The following ABTB3 variants were observed in gnomAD, a reference collection of about 807,000 sequenced individuals.
ABTB3 encodes ankyrin repeat and BTB domain containing 3.
the ABTB3 span, among the ~76,000 whole-genome samples, chr12:107,622,090 A>C: frequency 2.0e-5 from 3 of 151,880 alleles, no homozygotes; most frequent in African/African-American, 7.3e-5. Flanking sequence ...GAAATACAAA[A>C]AAATAGCTGG....
the ABTB3 span, among the ~76,000 whole-genome samples, chr12:107,449,153 C>A: frequency 6.6e-6 from 1 of 152,168 alleles, no homozygotes; most frequent in Non-Finnish European, 1.5e-5. Context: ...AATTGCAGCA[C>A]TGGGGCAGGG....
the ABTB3 span, among the ~76,000 whole-genome samples, chr12:107,537,499 T>A: frequency 1.3e-5 from 2 of 152,148 alleles, no homozygotes; most frequent in African/African-American, 4.8e-5. Context: ...CCCATAAATA[T>A]GTGCAATTCT....
chr12:107,436,724 G>A, the ABTB3 span, among the ~76,000 whole-genome samples: 1 of 152,168 alleles, frequency 6.6e-6, no homozygotes, highest in Non-Finnish European at 1.5e-5. Context: ...CCAGCGCATG[G>A]TGGGACTTCT....
the ABTB3 span, among the ~76,000 whole-genome samples, chr12:107,606,309 A>C: frequency 1.3e-5 from 2 of 152,362 alleles, no homozygotes; most frequent in African/African-American, 4.8e-5. Context: ...AGAATTCAGT[A>C]AATGTCAGCT....
At chr12:107,654,927 T>C in the ABTB3 span, among the ~76,000 whole-genome samples, 1 of 151,288 alleles carries the variant, frequency 6.6e-6, no homozygotes, top group Non-Finnish European at 1.5e-5. Context: ...TTTTTTTTAA[T>C]CTTAAACTGA....
chr12:107,584,708 G>A, the ABTB3 span, among the ~76,000 whole-genome samples: 4 of 152,202 alleles, frequency 2.6e-5, no homozygotes, highest in Non-Finnish European at 5.9e-5. Context: ...GATACCAGCC[G>A]GGACAGAGAG....
the ABTB3 span, among the ~76,000 whole-genome samples, chr12:107,616,435 A>G: frequency 6.6e-6 from 1 of 152,234 alleles, no homozygotes; most frequent in Non-Finnish European, 1.5e-5. Flanking sequence ...GAGACCAGGC[A>G]TGGACAGCAT....
At chr12:107,364,955 G>A in the ABTB3 span, among the ~76,000 whole-genome samples, 1 of 152,102 alleles carries the variant, frequency 6.6e-6, no homozygotes, top group Non-Finnish European at 1.5e-5. Context: ...GGAGGTAGTA[G>A]GTGTTGCTCT....
chr12:107,503,063 C>T, the ABTB3 span, among the ~76,000 whole-genome samples: 5 of 152,120 alleles, frequency 3.3e-5, no homozygotes, highest in African/African-American at 4.8e-5. Flanking sequence ...TATAGGGTCA[C>T]ATGGGGAAGC....
the ABTB3 span, among the ~76,000 whole-genome samples, chr12:107,632,980 T>TC: frequency 1.3e-5 from 2 of 152,190 alleles, no homozygotes; most frequent in African/African-American, 4.8e-5. Context: ...CATCTTGTTC[T>TC]CCCCCCTCCC....
At chr12:107,328,446 A>G in the ABTB3 span, among the ~76,000 whole-genome samples, 1 of 152,236 alleles carries the variant, frequency 6.6e-6, no homozygotes, top group South Asian at 2.1e-4. Context: ...GTGGTTTAAC[A>G]GTGAATGGAT....
At chr12:107,570,337 C>T in the ABTB3 span, among the ~76,000 whole-genome samples, 3 of 152,284 alleles carry the variant, frequency 2.0e-5, no homozygotes, top group East Asian at 5.8e-4. Flanking sequence ...GCCTCAGCCT[C>T]CCGAGTACCG....
At chr12:107,541,866 A>T in the ABTB3 span, among the ~76,000 whole-genome samples, 1 of 152,100 alleles carries the variant, frequency 6.6e-6, no homozygotes, top group Non-Finnish European at 1.5e-5. Flanking sequence ...TGCGACATGC[A>T]ATTTACTCAT....
the ABTB3 span, chr12:107,581,236 C>G: frequency 6.5e-7 from 1 of 1,530,148 alleles, no homozygotes; most frequent in Non-Finnish European, 8.7e-7. Flanking sequence ...TCTCCATGGA[C>G]AGCGACGACG....
the ABTB3 span, among the ~76,000 whole-genome samples, chr12:107,644,723 T>C: frequency 1.3e-5 from 2 of 152,274 alleles, no homozygotes; most frequent in African/African-American, 4.8e-5. Flanking sequence ...CATAGCACCC[T>C]CCTCCCACCC....
chr12:107,401,561 C>G, the ABTB3 span, among the ~76,000 whole-genome samples: 64,665 of 152,030 alleles, frequency 0.43, 14,358 homozygotes, highest in Middle Eastern at 0.52. Context: ...AGTGAGTGCT[C>G]CCATGATGCA....
the ABTB3 span, among the ~76,000 whole-genome samples, chr12:107,512,987 T>A: frequency 1.6e-4 from 24 of 152,352 alleles, no homozygotes; most frequent in Non-Finnish European, 1.5e-4. Flanking sequence ...CAACCAGGGT[T>A]CAAACCCAGG....
At chr12:107,577,673 G>C in the ABTB3 span, among the ~76,000 whole-genome samples, 2 of 152,070 alleles carry the variant, frequency 1.3e-5, no homozygotes, top group Admixed American at 1.3e-4. Flanking sequence ...TGAAGATGTA[G>C]ATGGCCACTG....
At chr12:107,503,588 T>G in the ABTB3 span, among the ~76,000 whole-genome samples, 1 of 150,476 alleles carries the variant, frequency 6.6e-6, no homozygotes, top group Non-Finnish European at 1.5e-5. Context: ...TGAGACCCCG[T>G]CTATACAAAA....
Sources: allele counts gnomAD v4.1 joint callset (sites outside exome capture counted in the v4.1 genomes callset), GRCh38; gene constraint gnomAD v4.1.1; transcripts MANE v1.5; gene names NCBI Gene and HGNC (gene_info 2026-07-23, HGNC 2026-07-21).